The following MACROD2 variants were observed in gnomAD, a reference collection of about 807,000 sequenced individuals.
MACROD2 encodes ADP-ribose glycohydrolase MACROD2.
A neutral mutation model predicts 70.4 loss-of-function variants in MACROD2; 36 were observed. The ratio of observed to expected loss-of-function variants is 0.51; its 90% CI spans 0.39 to 0.68. The LOEUF (loss-of-function observed/expected upper bound fraction) is 0.68, where lower values mean the gene tolerates loss of function less well. Among genes scored for constraint, MACROD2 ranks in the 30% least tolerant of loss-of-function variants. The pLI is 0.00. For missense variants in MACROD2, 496 were observed against 538.4 expected, an observed-to-expected ratio of 0.92 and a Z score of 0.78; for synonymous variants, 172 against 178.8, an observed-to-expected ratio of 0.96 and a Z score of 0.30.
intron 8 of MACROD2, among the ~76,000 whole-genome samples, chr20:15,594,263 CATG>C (rs2048716507): frequency 6.6e-6 from 1 of 151,966 alleles, no homozygotes; most frequent in Non-Finnish European, 1.5e-5. Flanking sequence ...CTTTGCTTAG[CATG>C]ATGTTTGAAA....
At chr20:15,076,865 G>A (rs2075662219) in intron 5 of MACROD2, among the ~76,000 whole-genome samples, 1 of 152,154 alleles carries the variant, frequency 6.6e-6, no homozygotes, top group South Asian at 2.1e-4. Context: ...AAGAGTAAAT[G>A]AATGAATTAG....
intron 16 of MACROD2, among the ~76,000 whole-genome samples, chr20:16,044,105 C>T (rs2067344845): frequency 6.6e-6 from 1 of 152,006 alleles, no homozygotes; most frequent in Non-Finnish European, 1.5e-5. Context: ...AAGCAGGGTG[C>T]CAGCATCTGC....
At chr20:14,573,286 G>T (rs1980341551) in intron 4 of MACROD2, among the ~76,000 whole-genome samples, 1 of 152,034 alleles carries the variant, frequency 6.6e-6, no homozygotes, top group Non-Finnish European at 1.5e-5. Context: ...TATAATGTTT[G>T]TTTACTAGAA....
intron 5 of MACROD2, among the ~76,000 whole-genome samples, chr20:14,863,665 C>T (rs2073397055): frequency 6.6e-6 from 1 of 151,930 alleles, no homozygotes; most frequent in Admixed American, 6.6e-5. Flanking sequence ...TAATATCATG[C>T]ATAGAGATTC....
intron 5 of MACROD2, among the ~76,000 whole-genome samples, chr20:14,770,364 G>A (rs191842831): frequency 1.3e-5 from 2 of 151,988 alleles, no homozygotes; most frequent in Admixed American, 6.5e-5. Flanking sequence ...CCATTCTGTA[G>A]GGGGACCATT....
chr20:14,656,171 G>A (rs2123522367), intron 4 of MACROD2, among the ~76,000 whole-genome samples: 2 of 152,182 alleles, frequency 1.3e-5, no homozygotes, highest in East Asian at 3.9e-4. Context: ...TTTCCCCAGG[G>A]GACTACATCT....
chr20:15,211,103 C>T (rs1417243154), intron 5 of MACROD2, among the ~76,000 whole-genome samples: 1 of 152,146 alleles, frequency 6.6e-6, no homozygotes, highest in Non-Finnish European at 1.5e-5. Flanking sequence ...AGTGTTCATT[C>T]CCCCTTCCCC....
chr20:15,291,262 G>T (rs536952565), intron 6 of MACROD2, among the ~76,000 whole-genome samples: 3 of 152,300 alleles, frequency 2.0e-5, no homozygotes, highest in Admixed American at 2.0e-4. Flanking sequence ...ATCACTGGGG[G>T]TTCTCATTGT....
intron 5 of MACROD2, among the ~76,000 whole-genome samples, chr20:15,006,129 T>A (rs1019990630): frequency 2.9e-4 from 40 of 138,910 alleles, no homozygotes; most frequent in South Asian, 4.7e-4. Flanking sequence ...AGAATGCATT[T>A]TATATATATA....
intron 6 of MACROD2, among the ~76,000 whole-genome samples, chr20:15,302,420 T>C (rs570722105): frequency 2.0e-5 from 3 of 149,612 alleles, no homozygotes; most frequent in Admixed American, 6.6e-5. Flanking sequence ...TTTTGCTCTA[T>C]AGAAACGGGA....
intron 9 of MACROD2, among the ~76,000 whole-genome samples, chr20:15,885,216 T>A (rs1332333460): frequency 6.6e-6 from 1 of 152,046 alleles, no homozygotes; most frequent in African/African-American, 2.4e-5. Flanking sequence ...TACTGGGAGA[T>A]GATGGGAGCT....
chr20:14,056,976 T>C (rs2053637359), intron 2 of MACROD2, among the ~76,000 whole-genome samples: 1 of 152,128 alleles, frequency 6.6e-6, no homozygotes, highest in African/African-American at 2.4e-5. Flanking sequence ...GTGATTGATA[T>C]CTTCATAATA....
intron 8 of MACROD2, among the ~76,000 whole-genome samples, chr20:15,652,972 A>C (rs764883882): frequency 6.6e-6 from 1 of 152,198 alleles, no homozygotes; most frequent in South Asian, 2.1e-4. Flanking sequence ...AATTGGCCTG[A>C]TAATTGCATT....
chr20:15,650,709 C>T (rs1367087667), intron 8 of MACROD2, among the ~76,000 whole-genome samples: 1 of 152,196 alleles, frequency 6.6e-6, no homozygotes, highest in Non-Finnish European at 1.5e-5. Context: ...ATCTGCACCA[C>T]TGATGTTGGA....
chr20:14,535,639 T>G (rs767765235), intron 4 of MACROD2, among the ~76,000 whole-genome samples: 4 of 151,840 alleles, frequency 2.6e-5, no homozygotes, highest in Non-Finnish European at 5.9e-5. Flanking sequence ...GAGTATATAG[T>G]GAAGAAGAAG....
rs544026454 is a variant in MACROD2 at position 15,255,159 on chromosome 20, G to T, written c.540+25098G>T. ...TTCTTAAACAGATTATATTGAACCT[G>T]ATTTAAGATTACATTAACTCAGTCA... On this transcript the variant is annotated intron_variant, in intron 6 of 17. Coordinates refer to ENST00000684519, the MANE Select transcript of MACROD2 (RefSeq NM_001351661.2). Among the ~76,000 whole-genome samples, 149 of 151,840 alleles carry T rather than the reference G, an allele frequency of 9.8e-4. 1 individual carries two copies. The highest frequency in any genetic ancestry group is 1.8e-3 in the Non-Finnish European group (119 of 67,904).
chr20:14,090,996 T>C (rs577051814), intron 3 of MACROD2, among the ~76,000 whole-genome samples: 38 of 152,320 alleles, frequency 2.5e-4, no homozygotes, highest in Non-Finnish European at 4.7e-4. Flanking sequence ...TAATGATTAG[T>C]GGTGCTGAGC....
At chr20:14,263,188 C>G (rs1179368306) in intron 3 of MACROD2, among the ~76,000 whole-genome samples, 2 of 152,018 alleles carry the variant, frequency 1.3e-5, no homozygotes, top group African/African-American at 4.8e-5. Context: ...GCATATCAGT[C>G]AAGTTATAAC....
intron 3 of MACROD2, among the ~76,000 whole-genome samples, chr20:14,206,943 C>G (rs942185443): frequency 6.6e-6 from 1 of 151,956 alleles, no homozygotes; most frequent in Non-Finnish European, 1.5e-5. Flanking sequence ...AAGACAACTC[C>G]TAGGTAACTT....
Sources: gnomAD v4.1 joint callset for allele counts (sites outside exome capture counted in the v4.1 genomes callset) on GRCh38, gnomAD v4.1.1 for gene constraint, MANE v1.5 for transcripts, NCBI Gene and HGNC (gene_info 2026-07-23, HGNC 2026-07-21) for gene names.